Variants in TANK observed in about 807,000 individuals in gnomAD.
TANK encodes the protein TRAF family member-associated NF-kappa-B activator.
A neutral mutation model predicts 43.6 loss-of-function variants in TANK; 15 were observed. That is an observed-to-expected ratio of 0.34 (90% CI 0.23 to 0.53). The LOEUF is 0.53. TANK is among the 20% of genes least tolerant of loss of function. The pLI is 0.94. For missense variants in TANK, 417 were observed against 498.6 expected (o/e 0.84, Z 1.56); for synonymous variants, 162 against 178.2 (o/e 0.91, Z 0.73).
intron 6 of TANK, chr2:161,227,208 A>G (rs1687676322): frequency 6.6e-6 from 1 of 152,234 alleles, no homozygotes; most frequent in South Asian, 2.1e-4. Context: ...AGATTAACTC[A>G]GATTATTTTA....
intron 1 of TANK, among the ~76,000 whole-genome samples, chr2:161,167,554 C>T (rs1019661630): frequency 6.6e-6 from 1 of 152,188 alleles, no homozygotes. Flanking sequence ...GCCTTGGACA[C>T]ACTTCCAGGT....
chr2:161,142,472 T>G (rs2105212562), intron 1 of TANK, among the ~76,000 whole-genome samples: 1 of 152,330 alleles, frequency 6.6e-6, no homozygotes, highest in South Asian at 2.1e-4. Flanking sequence ...GTTTAAGTCT[T>G]TAATCCATCT....
chr2:161,235,470 G>T lies in TANK; in HGVS notation c.1230G>T (p.Arg410Ser). 6.2e-7 allele frequency: 1 copy of T among 1,613,534 alleles called. No individual in the cohort carries two copies. Among genetic ancestry groups the T allele is most frequent in the South Asian group, 1.1e-5 (1 of 91,026 alleles). Residue 410 changes from arginine (R) to serine (S), a missense_variant, in exon 8 of 8, where the codon AGG becomes AGT. Physicochemically the swap from Arg to Ser is moderately radical, Grantham distance 110 (BLOSUM62 -1). Coordinates refer to ENST00000392749, the MANE Select transcript of TANK (RefSeq NM_001199135.3). ...QAVFPPSITS[R>S]GDFLRHLNSH... is the part of the protein sequence containing the mutation. ...TTTTCCCACCATCCATTACATCCAG[G>T]GGGGATTTCCTTCGGCATCTTAATT... is the stretch of plus-strand genomic sequence containing the variant.
chr2:161,190,415 A>G (rs1313998303), intron 2 of TANK, among the ~76,000 whole-genome samples: 2 of 152,220 alleles, frequency 1.3e-5, no homozygotes, highest in Non-Finnish European at 2.9e-5. Context: ...AATTAAACAT[A>G]GAATTACCAT....
At chr2:161,149,579 G>A (rs1315332019) in intron 1 of TANK, among the ~76,000 whole-genome samples, 1 of 152,124 alleles carries the variant, frequency 6.6e-6, no homozygotes, top group Non-Finnish European at 1.5e-5. Flanking sequence ...TAGGGAGAAA[G>A]CTTTTAGTAT....
At chr2:161,204,860 T>C (rs754774798) in intron 4 of TANK, 67 bp downstream of exon 4, 3 of 1,572,326 alleles carry the variant, frequency 1.9e-6, no homozygotes, top group Admixed American at 2.0e-5. Context: ...CTCATTTTAT[T>C]TTTCTGAAGT....
At chr2:161,148,771 A>T (rs1011871298) in intron 1 of TANK, among the ~76,000 whole-genome samples, 1 of 152,030 alleles carries the variant, frequency 6.6e-6, no homozygotes, top group Non-Finnish European at 1.5e-5. Flanking sequence ...TGTTGAAGAG[A>T]CTATTTTTTC....
chr2:161,159,898 C>T (rs541722870), upstream of TANK, among the ~76,000 whole-genome samples: 2 of 152,172 alleles, frequency 1.3e-5, no homozygotes, highest in Admixed American at 6.5e-5. Flanking sequence ...GGGGAGAAAC[C>T]AAATGGGTAT....
At chr2:161,166,283 T>C (rs1684675376) in intron 1 of TANK, among the ~76,000 whole-genome samples, 1 of 152,238 alleles carries the variant, frequency 6.6e-6, no homozygotes, top group African/African-American at 2.4e-5. Flanking sequence ...AACAGCGTAG[T>C]ACAATATGCT....
At chr2:161,196,161 G>T (rs955732433) in intron 2 of TANK, among the ~76,000 whole-genome samples, 22 of 152,172 alleles carry the variant, frequency 1.4e-4, no homozygotes, top group Non-Finnish European at 2.8e-4. Flanking sequence ...GTCAAAGATG[G>T]TTACAGCTTT....
At chr2:161,153,562 T>A (rs1684137582) in intron 1 of TANK, among the ~76,000 whole-genome samples, 1 of 151,440 alleles carries the variant, frequency 6.6e-6, no homozygotes, top group African/African-American at 2.4e-5. Context: ...ATGGTGCACG[T>A]CTGTAGTCCC....
rs562099728 is a variant in TANK, at chr2:161,163,958, A to G, written c.-50+3472A>G. On this transcript the variant is annotated intron_variant, in intron 1 of 7. Transcript: ENST00000392749. ...ATGCTTTTTGATCACCTTCAAGAAT[A>G]TGACCTGAGACAGGTAATGTAATTT... is the stretch of plus-strand genomic sequence containing the variant. 1.8e-4 allele frequency among the ~76,000 whole-genome samples: 28 copies of G among 152,334 alleles called. No homozygotes were observed. The South Asian group carries it at 5.6e-3, about 30-fold the overall frequency.
upstream of TANK, chr2:161,160,311 C>G (rs554230441): frequency 2.1e-5 from 13 of 621,358 alleles, no homozygotes; most frequent in South Asian, 1.6e-4. Flanking sequence ...GAGCCCTGGG[C>G]TGGGTGGGGC....
chr2:161,190,338 A>G (rs1183025856), intron 2 of TANK, among the ~76,000 whole-genome samples: 1 of 152,206 alleles, frequency 6.6e-6, no homozygotes, highest in African/African-American at 2.4e-5. Flanking sequence ...TAGAACCCTT[A>G]TGCATTGCTA....
chr2:161,171,555 A>G (rs754034296), intron 1 of TANK, among the ~76,000 whole-genome samples: 2 of 152,150 alleles, frequency 1.3e-5, no homozygotes, highest in Non-Finnish European at 2.9e-5. Context: ...ATAATTATGT[A>G]GGTTTTTGCC....
intron 4 of TANK, among the ~76,000 whole-genome samples, chr2:161,215,984 C>A (rs1687100257): frequency 1.3e-5 from 2 of 152,048 alleles, no homozygotes; most frequent in African/African-American, 4.8e-5. Context: ...TGTCATTAAC[C>A]TGTGGTTTTT....
intron 2 of TANK, among the ~76,000 whole-genome samples, chr2:161,201,749 C>G (rs1400995906): frequency 6.6e-6 from 1 of 152,120 alleles, no homozygotes; most frequent in Non-Finnish European, 1.5e-5. Context: ...TTCATTCAGT[C>G]AGCTTACCAC....
intron 6 of TANK, among the ~76,000 whole-genome samples, chr2:161,227,788 G>C (rs550991884): frequency 6.6e-6 from 1 of 152,276 alleles, no homozygotes; most frequent in Admixed American, 6.5e-5. Context: ...TTTGCAAGTA[G>C]CAAATGTCAT....
chr2:161,144,319 C>G (rs1196112291), intron 1 of TANK, among the ~76,000 whole-genome samples: 1 of 152,096 alleles, frequency 6.6e-6, no homozygotes, highest in African/African-American at 2.4e-5. Flanking sequence ...CAGTTCTGTT[C>G]TGAACTTAGT....
Sources: gnomAD v4.1 joint callset for allele counts (sites outside exome capture counted in the v4.1 genomes callset) on GRCh38, gnomAD v4.1.1 for gene constraint, MANE v1.5 for transcripts, NCBI Gene and HGNC (gene_info 2026-07-23, HGNC 2026-07-21) for gene names.